The following CNST variants were observed in gnomAD, a reference collection of about 807,000 sequenced individuals.
CNST encodes the protein consortin, connexin sorting protein.
A neutral mutation model predicts 72.4 loss-of-function variants in CNST; 39 were observed. The ratio of observed to expected loss-of-function variants is 0.54; its 90% CI spans 0.42 to 0.70. CNST has a LOEUF of 0.70. Among genes scored for constraint, CNST ranks in the 30% least tolerant of loss-of-function variants. The probability of loss-of-function intolerance (pLI) is 0.00; values close to 1 mark genes in which losing one functional copy is unlikely to be tolerated. For synonymous variants in CNST, 332 were observed against 320.1 expected (o/e 1.04, Z -0.40); for missense variants, 871 against 868.5 (o/e 1.00, Z -0.04).
At chr1:246,588,136 TTTTTTA>T (rs1397408331) in intron 1 of CNST, among the ~76,000 whole-genome samples, 3 of 152,112 alleles carry the variant, frequency 2.0e-5, no homozygotes, top group Non-Finnish European at 2.9e-5. Context: ...TGAAATTATA[TTTTTTA>T]TTTTTATTAA....
Position 246,664,350 on chromosome 1 carries a change from T to G in CNST, c.1973-1350T>G, listed in dbSNP as rs143207745. ...TGGATTTGCTGGGATATGTTGAAAC[T>G]ATATGTCCCAGGTGGCCTGAGGCCG... On this transcript the variant is annotated intron_variant, in intron 10 of 10. Coordinates refer to ENST00000366513, the MANE Select transcript of CNST (RefSeq NM_152609.3). 3.2e-4 allele frequency among the ~76,000 whole-genome samples: 48 copies of G among 152,342 alleles called. No individual in the cohort carries two copies. The East Asian group carries it at 4.0e-3, about 13-fold the overall frequency.
At chr1:246,644,494 C>T (rs181652127) in intron 8 of CNST, among the ~76,000 whole-genome samples, 18 of 152,228 alleles carry the variant, frequency 1.2e-4, no homozygotes, top group Admixed American at 1.1e-3. Context: ...GTACTCAAAG[C>T]TCTTCTCCGC....
At chr1:246,648,227 T>C (rs1478958353) in intron 9 of CNST, 190 bp downstream of exon 9, 4 of 1,375,572 alleles carry the variant, frequency 2.9e-6, no homozygotes, top group Non-Finnish European at 3.7e-6. Context: ...TTTTAATCAT[T>C]GCAATGTTCA....
At chr1:246,607,916 A>G (rs1266413268) in intron 2 of CNST, 5 of 152,006 alleles carry the variant, frequency 3.3e-5, no homozygotes, top group Non-Finnish European at 5.9e-5. Flanking sequence ...CCCCATCTCT[A>G]CTGAAAATAC....
At chr1:246,592,725 T>C (rs992663740) in intron 2 of CNST, among the ~76,000 whole-genome samples, 2 of 152,198 alleles carry the variant, frequency 1.3e-5, no homozygotes, top group African/African-American at 4.8e-5. Context: ...GTAAATAAAA[T>C]ACAGGAACAT....
intron 2 of CNST, among the ~76,000 whole-genome samples, chr1:246,592,504 A>C (rs1369012297): frequency 6.6e-6 from 1 of 152,208 alleles, no homozygotes; most frequent in Non-Finnish European, 1.5e-5. Flanking sequence ...AAGAAAAGAA[A>C]AAGTGCTGAA....
At chr1:246,581,036 G>C (rs1660752294) in intron 1 of CNST, among the ~76,000 whole-genome samples, 1 of 152,102 alleles carries the variant, frequency 6.6e-6, no homozygotes, top group African/African-American at 2.4e-5. Context: ...ACCACGCCCA[G>C]CCTGAAGGTT....
intron 6 of CNST, among the ~76,000 whole-genome samples, chr1:246,638,356 C>T (rs114105329): frequency 0.013 from 1,991 of 152,174 alleles, 17 homozygotes; most frequent in Middle Eastern, 0.037. Context: ...GTTTCCAGCC[C>T]GTATAGGATT....
In CNST at chr1:246,666,590, A is replaced by G. The variant is rs767497784; in HGVS notation, c.*685A>G. 4 of 152,178 alleles carry G rather than the reference A, an allele frequency of 2.6e-5. No homozygotes were observed. Among genetic ancestry groups the G allele is most frequent in the African/African-American group, 7.2e-5 (3 of 41,448 alleles). 9.4% of individuals were successfully genotyped at this position (152,178 alleles called of 1,614,324 possible). A position where few individuals can be genotyped will look rare whatever the true frequency, so the allele number is the denominator to read the frequency against. ...AACTGTGGAATAGATGAATTCTAGA[A>G]CTCTTGACCCTGCAATGAGAAACTG... On this transcript the variant is annotated 3_prime_UTR_variant, in exon 11 of 11. Coordinates refer to ENST00000366513, the MANE Select transcript of CNST (RefSeq NM_152609.3).
At chr1:246,633,868 A>C (rs1664956440) in intron 4 of CNST, 56 bp from the exon 5 acceptor site, 2 of 1,181,836 alleles carry the variant, frequency 1.7e-6, no homozygotes, top group African/African-American at 3.0e-5. Context: ...TGTTCTTCAA[A>C]TATGGGAATA....
At chr1:246,590,056 T>G (rs1661446744) in intron 1 of CNST, among the ~76,000 whole-genome samples, 1 of 152,166 alleles carries the variant, frequency 6.6e-6, no homozygotes, top group Admixed American at 6.5e-5. Flanking sequence ...TTTCTCCCAT[T>G]CTGTAGTTTT....
chr1:246,569,187 T>A (rs1433540305), intron 1 of CNST, among the ~76,000 whole-genome samples: 1 of 152,236 alleles, frequency 6.6e-6, no homozygotes, highest in African/African-American at 2.4e-5. Flanking sequence ...AGTAGTGGTA[T>A]TAAGAAAGTA....
intron 2 of CNST, 129 bp downstream of exon 2, chr1:246,592,070 C>T (rs2103026435): frequency 1.4e-6 from 1 of 702,330 alleles, no homozygotes; most frequent in Non-Finnish European, 2.3e-6. Flanking sequence ...AGTTCCGCCG[C>T]AGCACAAGTA....
intron 2 of CNST, chr1:246,606,414 A>G (rs1470840613): frequency 6.6e-6 from 1 of 151,986 alleles, no homozygotes; most frequent in Non-Finnish European, 1.5e-5. Context: ...CTTTTCCATT[A>G]TCATCTATGT....
chr1:246,624,011 C>T (rs1298713920), intron 3 of CNST, among the ~76,000 whole-genome samples: 1 of 150,924 alleles, frequency 6.6e-6, no homozygotes, highest in Admixed American at 6.6e-5. Flanking sequence ...TGCAATGAGC[C>T]GTGATTCCAT....
At chr1:246,637,158 A>G (rs1271446660) in intron 6 of CNST, among the ~76,000 whole-genome samples, 5 of 152,144 alleles carry the variant, frequency 3.3e-5, no homozygotes, top group Non-Finnish European at 1.5e-5. Flanking sequence ...CTTATCTGTT[A>G]ATGTTTTGGA....
At chr1:246,567,937 G>C (rs557331094) in intron 1 of CNST, among the ~76,000 whole-genome samples, 16 of 152,140 alleles carry the variant, frequency 1.1e-4, no homozygotes, top group Admixed American at 2.0e-4. Context: ...TTTTAAATCA[G>C]ATAAAATAGA....
chr1:246,656,801 G>C (rs3124090), intron 9 of CNST, among the ~76,000 whole-genome samples: 136,559 of 152,070 alleles, frequency 0.9, 61,345 homozygotes, highest in African/African-American at 0.93. Flanking sequence ...GCATGGTGGC[G>C]TGTGCCTGTA....
chr1:246,646,322 T>A (rs1415163495), intron 8 of CNST, among the ~76,000 whole-genome samples: 1 of 150,590 alleles, frequency 6.6e-6, no homozygotes, highest in African/African-American at 2.4e-5. Context: ...AACACATTTA[T>A]TAGTGGTATT....
Sources: gnomAD v4.1 joint callset for allele counts (sites outside exome capture counted in the v4.1 genomes callset) on GRCh38, gnomAD v4.1.1 for gene constraint, MANE v1.5 for transcripts, NCBI Gene and HGNC (gene_info 2026-07-23, HGNC 2026-07-21) for gene names.